The following ZZZ3 variants were observed in gnomAD, a reference collection of about 807,000 sequenced individuals.
ZZZ3 encodes ZZ-type zinc finger-containing protein 3.
In ZZZ3, 22 loss-of-function variants were observed where a neutral mutation model predicts 95.2. That is an observed-to-expected ratio of 0.23 (90% CI 0.17 to 0.33). The LOEUF is 0.33. Among genes scored for constraint, ZZZ3 ranks in the 10% least tolerant of loss-of-function variants. The pLI is 1.00. For synonymous variants in ZZZ3, 335 were observed against 358.9 expected, an observed-to-expected ratio of 0.93 and a Z score of 0.75; for missense variants, 885 against 1,066.5, an observed-to-expected ratio of 0.83 and a Z score of 2.37.
intron 1 of ZZZ3, chr1:77,645,731 G>T (rs1669202049): frequency 6.6e-6 from 1 of 152,198 alleles, no homozygotes; most frequent in Non-Finnish European, 1.5e-5. Flanking sequence ...AGCACTTTGG[G>T]AGGCTGAGGT....
rs1557746509 is a variant in ZZZ3, at chr1:77,633,077, T to C, written c.278A>G (p.Lys93Arg). ...PRKRGLSSSE[K>R]DNIERQAIEN... ...TATAGCCTGCCTTTCTATGTTATCC[T>C]TTTCTGAAGAAGAAAGTCCTCTTTT... The change falls in exon 5 of 15, where the codon AAG becomes AGG. Residue 93 changes from lysine to arginine, a missense_variant. Physicochemically the swap from Lys to Arg is conservative, Grantham distance 26. Around this residue, in one of 5 missense-constraint regions of ZZZ3, gnomAD observed 556 missense variants for 652.9 expected, o/e 0.85. Transcript: ENST00000370801. 2 of 1,613,954 alleles carry C rather than the reference T, an allele frequency of 1.2e-6. No individual in the cohort carries two copies. The highest frequency in any genetic ancestry group is 4.5e-5 in the East Asian group (2 of 44,888).
intron 11 of ZZZ3, 111 bp downstream of exon 11, chr1:77,578,663 A>G: frequency 1.7e-6 from 1 of 582,748 alleles, no homozygotes; most frequent in Non-Finnish European, 2.6e-6. Flanking sequence ...GCTTAGAATG[A>G]ACAGAAGTTT....
chr1:77,607,523 C>T (rs1665357556), intron 5 of ZZZ3, among the ~76,000 whole-genome samples: 1 of 152,166 alleles, frequency 6.6e-6, no homozygotes, highest in Admixed American at 6.5e-5. Context: ...AGAAATTCTG[C>T]AGCTGAAAAA....
At chr1:77,612,176 G>C (rs370646258) in intron 5 of ZZZ3, among the ~76,000 whole-genome samples, 4 of 151,882 alleles carry the variant, frequency 2.6e-5, no homozygotes, top group African/African-American at 9.7e-5. Flanking sequence ...ATGGTCAATG[G>C]GTATATGAAA....
intron 5 of ZZZ3, among the ~76,000 whole-genome samples, chr1:77,590,643 C>T (rs1420629077): frequency 2.0e-5 from 3 of 152,194 alleles, no homozygotes; most frequent in Non-Finnish European, 4.4e-5. Context: ...GGGCTAGATC[C>T]CCCCAGGGGG....
At chr1:77,591,151 G>A (rs1410939530) in intron 5 of ZZZ3, among the ~76,000 whole-genome samples, 6 of 84,126 alleles carry the variant, frequency 7.1e-5, no homozygotes, top group African/African-American at 1.7e-4. Context: ...GTGACGTAAC[G>A]ATAAATATAT....
At chr1:77,654,470 C>T (rs563399573) in intron 1 of ZZZ3, among the ~76,000 whole-genome samples, 3 of 151,988 alleles carry the variant, frequency 2.0e-5, no homozygotes, top group Non-Finnish European at 4.4e-5. Context: ...ATGTAAAACT[C>T]CAAACAACTT....
Position 77,563,200 on chromosome 1 carries a change from T to A in ZZZ3, c.*2440A>T, listed in dbSNP as rs1163524012. The stretch of plus-strand genomic sequence containing the variant: ...TGAGCACAATATATCAGGAAATAGA[T>A]CTTATCTACTGAATACCACTGAATA... On this transcript the variant is annotated 3_prime_UTR_variant, in exon 15 of 15. Transcript: ENST00000370801. The A allele has an allele frequency of 6.9e-6, 1 of 145,130 alleles. No individual in the cohort carries two copies. Among genetic ancestry groups the A allele is most frequent in the East Asian group, 1.9e-4 (1 of 5,204 alleles). The allele number at this position is 145,130 out of a possible 1,614,324, so 9.0% of individuals were successfully genotyped here.
chr1:77,617,509 T>C (rs1312096663), intron 5 of ZZZ3, among the ~76,000 whole-genome samples: 1 of 152,240 alleles, frequency 6.6e-6, no homozygotes, highest in Non-Finnish European at 1.5e-5. Flanking sequence ...CCTTGTTTTG[T>C]GTATCCATTC....
chr1:77,663,042 T>C (rs1157409715), intron 1 of ZZZ3, among the ~76,000 whole-genome samples: 1 of 151,792 alleles, frequency 6.6e-6, no homozygotes, highest in Non-Finnish European at 1.5e-5. Flanking sequence ...CAGGTGGAAG[T>C]TGCAGTGAAC....
chr1:77,674,407 C>A (rs1339985426), intron 1 of ZZZ3, among the ~76,000 whole-genome samples: 11 of 152,142 alleles, frequency 7.2e-5, no homozygotes, highest in Admixed American at 7.2e-4. Flanking sequence ...TAAAATAATT[C>A]TGTGGTACTA....
At chr1:77,572,887 C>A (rs1375177295) in intron 12 of ZZZ3, among the ~76,000 whole-genome samples, 2 of 151,510 alleles carry the variant, frequency 1.3e-5, no homozygotes, top group Non-Finnish European at 2.9e-5. Flanking sequence ...CTCAAGCGAT[C>A]CTCCTGCCTC....
chr1:77,570,653 T>C (rs1000320809), intron 12 of ZZZ3, among the ~76,000 whole-genome samples: 4 of 150,356 alleles, frequency 2.7e-5, no homozygotes, highest in Non-Finnish European at 5.9e-5. Flanking sequence ...TTTATTTTTA[T>C]TTTTATTATT....
intron 8 of ZZZ3, 47 bp from the exon 9 acceptor site, chr1:77,581,116 A>G (rs1210343200): frequency 7.2e-7 from 1 of 1,392,958 alleles, no homozygotes. Flanking sequence ...AACAACACCT[A>G]TCCTTTGATA....
intron 1 of ZZZ3, among the ~76,000 whole-genome samples, chr1:77,680,690 A>G (rs1184457723): frequency 1.3e-5 from 2 of 152,198 alleles, no homozygotes; most frequent in African/African-American, 2.4e-5. Flanking sequence ...CCACTCTCCA[A>G]TTGAGATCAC....
intron 3 of ZZZ3, 150 bp downstream of exon 3, chr1:77,641,234 C>A (rs761672701): frequency 7.1e-4 from 175 of 247,586 alleles, no homozygotes; most frequent in Non-Finnish European, 1.1e-3. Flanking sequence ...TCTGAGCATA[C>A]TGGAATGTGC....
chr1:77,682,052 G>A (rs990268271), intron 1 of ZZZ3, among the ~76,000 whole-genome samples: 6 of 152,150 alleles, frequency 3.9e-5, no homozygotes, highest in African/African-American at 1.4e-4. Context: ...CGTACAAAAT[G>A]ATGAAAAGCA....
chr1:77,650,063 C>T (rs558933878), intron 1 of ZZZ3, among the ~76,000 whole-genome samples: 2 of 151,896 alleles, frequency 1.3e-5, no homozygotes, highest in Non-Finnish European at 2.9e-5. Flanking sequence ...TCAAAGTATG[C>T]TAAGATAAAT....
intron 12 of ZZZ3, among the ~76,000 whole-genome samples, chr1:77,569,009 A>T (rs184339722): frequency 1.2e-3 from 180 of 152,318 alleles, no homozygotes; most frequent in African/African-American, 4.2e-3. Context: ...TTTAGAATGG[A>T]CTGTAAGAGA....
Sources: gnomAD v4.1 joint callset for allele counts (sites outside exome capture counted in the v4.1 genomes callset) on GRCh38, gnomAD v4.1.1 for gene constraint, gnomAD v4.1.1 regional missense constraint, MANE v1.5 for transcripts, NCBI Gene and HGNC (gene_info 2026-07-23, HGNC 2026-07-21) for gene names.